The following ST3GAL6 variants were observed in gnomAD, a reference collection of about 807,000 sequenced individuals.
ST3GAL6 encodes type 2 lactosamine alpha-2,3-sialyltransferase.
Under a neutral mutation model 40.5 loss-of-function variants are expected in ST3GAL6, and 31 were observed. That is an observed-to-expected ratio of 0.77 (90% CI 0.58 to 1.03). The LOEUF (loss-of-function observed/expected upper bound fraction) is 1.03. Ranked by LOEUF, ST3GAL6 falls within the 50% of genes least tolerant of loss-of-function variation. The pLI is 0.00. For synonymous variants in ST3GAL6, 129 were observed against 136.9 expected, an observed-to-expected ratio of 0.94 and a Z score of 0.40; for missense variants, 357 against 393.2, an observed-to-expected ratio of 0.91 and a Z score of 0.78.
intron 1 of ST3GAL6, among the ~76,000 whole-genome samples, chr3:98,738,244 G>A (rs1242757618): frequency 6.6e-6 from 1 of 151,780 alleles, no homozygotes; most frequent in Admixed American, 6.6e-5. Context: ...AAACCTCTTT[G>A]CTTTTTATAT....
chr3:98,754,883 A>G (rs1251685798), intron 1 of ST3GAL6, among the ~76,000 whole-genome samples: 2 of 152,252 alleles, frequency 1.3e-5, no homozygotes, highest in African/African-American at 4.8e-5. Context: ...GTTTTTAGAC[A>G]CAATGCTATT....
At chr3:98,783,707 C>T (rs1940408074) in intron 5 of ST3GAL6, 1 of 985,398 alleles carries the variant, frequency 1.0e-6, no homozygotes, top group Non-Finnish European at 1.2e-6. Context: ...ACAGCCCTCC[C>T]CGCCCCCAAG....
In ST3GAL6 at chr3:98,788,461, C is replaced by A. The variant is rs758465633; in HGVS notation, c.754C>A (p.Gln252Lys). 9 of 1,606,882 alleles carry A rather than the reference C, an allele frequency of 5.6e-6. No homozygotes were observed. Among genetic ancestry groups the A allele is most frequent in the African/African-American group, 1.3e-5 (1 of 74,586 alleles). Reference sequence around the variant, plus strand: ...TTTTCCAAAAGTGTTTCCCAAAAATCAGGTATGTATTTATCTCTGCATGGT... The same window carrying A: ...TTTTCCAAAAGTGTTTCCCAAAAATAAGGTATGTATTTATCTCTGCATGGT... ...LHFPKVFPKN[Q>K]KPKHPTTGII... Residue 252 changes from glutamine to lysine, a missense_variant and splice_region_variant, in exon 8 of 10, where the codon CAG becomes AAG. By Grantham distance (53) the Gln-to-Lys change is moderately conservative (BLOSUM62 1). Transcript: ENST00000483910.
At chr3:98,766,635 T>G (rs1006146692) in intron 1 of ST3GAL6, among the ~76,000 whole-genome samples, 7 of 151,974 alleles carry the variant, frequency 4.6e-5, no homozygotes, top group Non-Finnish European at 1.0e-4. Context: ...CTTGGCCAGG[T>G]TGGTATTGAA....
intron 1 of ST3GAL6, among the ~76,000 whole-genome samples, chr3:98,766,342 A>G (rs1666310): frequency 0.12 from 17,415 of 151,058 alleles, 1,191 homozygotes; most frequent in Middle Eastern, 0.17. Context: ...ATGTAAATAC[A>G]TTAAAAAATT....
Position 98,739,920 on chromosome 3 carries a change from TA to T in ST3GAL6, c.-12+7389del, listed in dbSNP as rs560627901. Among the ~76,000 whole-genome samples the T allele has an allele frequency of 6.8e-3, 1,040 of 152,332 alleles. 14 individuals carry two copies. Among genetic ancestry groups the T allele is most frequent in the African/African-American group, 0.024 (979 of 41,576 alleles). ...AGCAATTAAATGTAATTTATAATCT[TA>T]TTTAATTGATAGGTTGTGGTAATTA... On this transcript the variant is annotated intron_variant, in intron 1 of 9. Coordinates refer to the ST3GAL6 transcript ENST00000265261.
chr3:98,775,065 T>A (rs1446868504), intron 5 of ST3GAL6, among the ~76,000 whole-genome samples: 2 of 152,214 alleles, frequency 1.3e-5, no homozygotes, highest in East Asian at 3.8e-4. Flanking sequence ...TTCTCTCTAA[T>A]TCTGTAAGTT....
chr3:98,772,485 GT>G (rs1050464607), intron 3 of ST3GAL6: 1 of 162,478 alleles, frequency 6.2e-6, no homozygotes, highest in Non-Finnish European at 1.3e-5. Flanking sequence ...ATATTACTTT[GT>G]TTTTTCCTAT....
intron 1 of ST3GAL6, among the ~76,000 whole-genome samples, chr3:98,746,228 G>A (rs986599584): frequency 1.3e-5 from 2 of 152,150 alleles, no homozygotes; most frequent in African/African-American, 4.8e-5. Flanking sequence ...AAGCTTGGAA[G>A]CGTTTTCCTA....
chr3:98,763,953 G>A (rs1389100383), intron 1 of ST3GAL6, among the ~76,000 whole-genome samples: 1 of 152,070 alleles, frequency 6.6e-6, no homozygotes, highest in Non-Finnish European at 1.5e-5. Flanking sequence ...TCTTTCTGTG[G>A]GTCAGAATCA....
intron 1 of ST3GAL6, chr3:98,732,778 T>A: frequency 2.3e-6 from 3 of 1,315,050 alleles, no homozygotes; most frequent in Non-Finnish European, 3.0e-6. Flanking sequence ...CCCCGCCAGA[T>A]CCGCGGGGAA....
intron 1 of ST3GAL6, chr3:98,733,147 C>A: frequency 8.0e-7 from 1 of 1,246,322 alleles, no homozygotes; most frequent in Non-Finnish European, 1.0e-6. Context: ...GCGCTGTTTG[C>A]CCCTCCACAT....
At chr3:98,784,565 C>T (rs1940500970) in intron 5 of ST3GAL6, 2 of 191,432 alleles carry the variant, frequency 1.0e-5, no homozygotes, top group South Asian at 1.0e-4. Context: ...TTCACAGTCT[C>T]AAGTTCTGGA....
intron 1 of ST3GAL6, among the ~76,000 whole-genome samples, chr3:98,743,415 A>C (rs1195749373): frequency 6.6e-6 from 1 of 152,034 alleles, no homozygotes; most frequent in African/African-American, 2.4e-5. Flanking sequence ...CAGACAACTC[A>C]AGTGTCTGAA....
At position 98,763,555 on chromosome 3, in the gene ST3GAL6, G is replaced by A. The variant is rs72932663; in HGVS notation, c.-12+116G>A. The A allele has an allele frequency of 2.2e-4, 212 of 959,568 alleles. No homozygotes were observed. The African/African-American group carries it at 3.5e-3, about 16-fold the overall frequency. 59.4% of individuals were successfully genotyped at this position (959,568 alleles called of 1,614,324 possible). The stretch of plus-strand genomic sequence containing the variant: ...CTGTGTGGAGGTAGAAGGGGGATGT[G>A]CTTCTCTTATTTGCACAAAGATGTG... On this transcript the variant is annotated intron_variant, in intron 1 of 9. Transcript: ENST00000483910.
At chr3:98,766,472 A>G (rs1276464164) in intron 1 of ST3GAL6, among the ~76,000 whole-genome samples, 1 of 126,414 alleles carries the variant, frequency 7.9e-6, no homozygotes, top group Non-Finnish European at 1.6e-5. Flanking sequence ...CCCAGGCTGG[A>G]GTGCAGTGGC....
rs749331092 is a variant in ST3GAL6, at chr3:98,784,960, G to A, written c.351G>A (p.Lys117=). 6.8e-6 allele frequency: 11 copies of A among 1,612,610 alleles called. No individual in the cohort carries two copies. The highest frequency in any genetic ancestry group is 7.6e-6 in the Non-Finnish European group (9 of 1,179,176). ...TGTCCAACAGCATACCCTGTAAAAA[G>A]TGTGTGGTGGTTGGTAATGGAGGAG... The part of the protein sequence containing the change: ...FDEFDNIPCK[K]CVVVGNGGVL... Residue 117 remains lysine (K), a synonymous_variant, in exon 6 of 10, where the codon AAG becomes AAA. Coordinates refer to ENST00000483910, the MANE Select transcript of ST3GAL6 (RefSeq NM_001323368.2).
At chr3:98,762,694 A>G, upstream of ST3GAL6, 3 of 657,360 alleles carry the variant, frequency 4.6e-6, no homozygotes, top group Non-Finnish European at 5.7e-6. Flanking sequence ...GATATTATTA[A>G]ATGATTATTT....
At chr3:98,778,004 C>T (rs942346357) in intron 5 of ST3GAL6, among the ~76,000 whole-genome samples, 1 of 152,210 alleles carries the variant, frequency 6.6e-6, no homozygotes, top group Non-Finnish European at 1.5e-5. Context: ...TACATCCTCA[C>T]ACAGCTAGAA....
Sources: allele counts gnomAD v4.1 joint callset (sites outside exome capture counted in the v4.1 genomes callset), GRCh38; gene constraint gnomAD v4.1.1; transcripts MANE v1.5; gene names NCBI Gene and HGNC (gene_info 2026-07-23, HGNC 2026-07-21).